The following COL6A1 variants were observed in gnomAD, a reference collection of about 807,000 sequenced individuals.
COL6A1 encodes the protein collagen alpha-1(VI) chain.
COL6A1 carries 80 observed loss-of-function variants against 145.6 expected under a neutral mutation model. The ratio of observed to expected loss-of-function variants is 0.55; its 90% CI spans 0.46 to 0.66. The LOEUF (loss-of-function observed/expected upper bound fraction) is 0.66. COL6A1 is among the 30% of genes least tolerant of loss of function. COL6A1 has a pLI of 0.00. For missense variants in COL6A1, 1,364 were observed against 1,473.8 expected, an observed-to-expected ratio of 0.93 and a Z score of 1.22; for synonymous variants, 638 against 622.8, an observed-to-expected ratio of 1.02 and a Z score of -0.36.
At chr21:45,998,308 C>G in intron 23 of COL6A1, 90 bp from the exon 24 acceptor site, 1 of 1,593,586 alleles carries the variant, frequency 6.3e-7, no homozygotes, top group Non-Finnish European at 8.6e-7. Flanking sequence ...GGCCGGGATT[C>G]TGTCAGCTCA....
At chr21:45,999,574 C>A in intron 26 of COL6A1, 83 bp from the exon 27 acceptor site, 1 of 1,472,408 alleles carries the variant, frequency 6.8e-7, no homozygotes, top group Non-Finnish European at 9.4e-7. Context: ...AGGGGCAGGG[C>A]CCTGGGGGTG....
chr21:45,983,542 C>T (rs937171569), intron 2 of COL6A1, among the ~76,000 whole-genome samples: 1 of 152,138 alleles, frequency 6.6e-6, no homozygotes, highest in Non-Finnish European at 1.5e-5. Context: ...GGGGCACAGT[C>T]AGAGGCTGCC....
At position 45,994,338 on chromosome 21, in the gene COL6A1, CTG is replaced by C; in HGVS notation, c.1398+113_1398+114del. On this transcript the variant is annotated intron_variant, in intron 20 of 34. Transcript: ENST00000361866. This position sits in a 1 kb window ranked among gnomAD's most constrained non-coding sequence, Gnocchi z 6.8. ...TCTGTTCATTTCCGTTTGAGGGCCT[CTG>C]TGTTTCCGTAGATCTCGGGGGTGTC... The C allele has an allele frequency of 9.0e-7, 1 of 1,115,000 alleles. No individual in the cohort carries two copies. The highest frequency in any genetic ancestry group is 1.3e-5 in the South Asian group (1 of 74,966). 69.1% of individuals were successfully genotyped at this position (1,115,000 alleles called of 1,614,324 possible). A position where few individuals can be genotyped will look rare whatever the true frequency, so the allele number is the denominator to read the frequency against.
At chr21:45,987,315 GC>G in intron 6 of COL6A1, 140 bp downstream of exon 6, 3 of 1,503,718 alleles carry the variant, frequency 2.0e-6, no homozygotes, top group Non-Finnish European at 2.7e-6. Flanking sequence ...CTGCCCGTGT[GC>G]CCGGGATGTG....
At chr21:45,998,808 T>C (rs1429305281) in intron 24 of COL6A1, 89 bp from the exon 25 acceptor site, 2 of 1,298,240 alleles carry the variant, frequency 1.5e-6, no homozygotes, top group Non-Finnish European at 2.1e-6. Flanking sequence ...AGAGTGCCTC[T>C]CTTATCTTTA....
chr21:45,990,446 A>C, intron 13 of COL6A1, 24 bp downstream of exon 13: 17 of 873,700 alleles, frequency 1.9e-5, no homozygotes, highest in Admixed American at 5.9e-5. Flanking sequence ...GATAGGATGG[A>C]CGGGGAGGGA....
In COL6A1 at chr21:46,004,438, C is replaced by T. The variant is rs2077869736; in HGVS notation, c.*425C>T. 1 of 330,890 alleles carries T rather than the reference C, an allele frequency of 3.0e-6. No individual in the cohort carries two copies. The allele number at this position is 330,890 out of a possible 1,614,324, so 20.5% of individuals were successfully genotyped here. On this transcript the variant is annotated 3_prime_UTR_variant, in exon 35 of 35. Transcript: ENST00000361866. ...CTAGGCACCTCTGTGCTGCATCCCA[C>T]CAGCCTGAGCAAGACGCCCTCTCGG... is the stretch of plus-strand genomic sequence containing the variant.
Position 45,987,051 on chromosome 21 carries a change from C to A in COL6A1, c.696C>A (p.Ile232=). Residue 232 remains isoleucine, a synonymous_variant, in exon 5 of 35, where the codon ATC becomes ATA. Coordinates refer to ENST00000361866, the MANE Select transcript of COL6A1 (RefSeq NM_001848.3). ...RDAEEAISQT[I]DTIVDMIKNN... ...CAGAGGAGGCCATCAGCCAGACCAT[C>A]GACACCATCGTGGACATGATCGTGA... 6.4e-7 allele frequency: 1 copy of A among 1,554,004 alleles called. No homozygotes were observed. Among genetic ancestry groups the A allele is most frequent in the Non-Finnish European group, 8.7e-7 (1 of 1,149,116 alleles).
chr21:45,993,910 TGCACGCAGGGAC>T (rs1231422598), intron 19 of COL6A1, among the ~76,000 whole-genome samples: 1 of 152,162 alleles, frequency 6.6e-6, no homozygotes, highest in East Asian at 1.9e-4. Context: ...GAAGCAGGGA[TGCACGCAGGGAC>T]GCCTCTGGGG....
chr21:45,995,399 C>G (rs563047477), intron 20 of COL6A1, among the ~76,000 whole-genome samples: 1 of 152,306 alleles, frequency 6.6e-6, no homozygotes, highest in African/African-American at 2.4e-5. Context: ...TGGAAGAGGC[C>G]ATGCAGCCAG....
intron 8 of COL6A1, 33 bp from the exon 9 acceptor site, chr21:45,989,051 G>T (rs139575256): frequency 8.1e-6 from 13 of 1,607,318 alleles, no homozygotes; most frequent in Non-Finnish European, 1.1e-5. Context: ...AAGAAACGGG[G>T]CTGCCCCAAC....
At chr21:45,997,925 G>T (rs549628834) in intron 22 of COL6A1, among the ~76,000 whole-genome samples, 163 bp downstream of exon 22, 257 of 152,282 alleles carry the variant, frequency 1.7e-3, no homozygotes, top group African/African-American at 5.8e-3. Flanking sequence ...GCCAGAGGCC[G>T]CCTCGGCAGG....
At position 46,003,992 on chromosome 21, in the gene COL6A1, C is replaced by G; in HGVS notation, c.3066C>G (p.Ser1022=). 1 of 1,613,170 alleles carries G rather than the reference C, an allele frequency of 6.2e-7. No individual in the cohort carries two copies. Among genetic ancestry groups the G allele is most frequent in the Non-Finnish European group, 8.5e-7 (1 of 1,180,020 alleles). ...LLRGVFHQTV[S]RKVALG is the part of the protein sequence containing the mutation. ...GCGGTGTCTTCCACCAGACAGTCTCCAGGAAGGTGGCGCTGGGCTAGCCCA... is the reference window on the plus strand; with the variant it reads ...GCGGTGTCTTCCACCAGACAGTCTCGAGGAAGGTGGCGCTGGGCTAGCCCA... Residue 1022 remains serine (S), a synonymous_variant, in exon 35 of 35, where the codon TCC becomes TCG. Coordinates refer to ENST00000361866, the MANE Select transcript of COL6A1 (RefSeq NM_001848.3).
intron 9 of COL6A1, 131 bp from the exon 10 acceptor site, chr21:45,989,477 G>T: frequency 1.0e-6 from 1 of 960,638 alleles, no homozygotes; most frequent in African/African-American, 1.6e-5. Flanking sequence ...CGGCACCATG[G>T]GCCCCGTGCA....
In COL6A1 at chr21:46,002,619, G is replaced by A. The variant is rs755487987; in HGVS notation, c.2343G>A (p.Gln781=). ...CTTGCCAAGGCCTGGCACCATCCCA[G>A]GGCCGGCCCGGCCTCTCGCTGGTCA... ...VISCQGLAPS[Q]GRPGLSLVKE... is the part of the protein sequence containing the mutation. Residue 781 remains glutamine, a synonymous_variant, in exon 33 of 35, where the codon CAG becomes CAA. Transcript: ENST00000361866. The A allele has an allele frequency of 5.8e-5, 94 of 1,613,960 alleles. No individual in the cohort carries two copies. Among genetic ancestry groups the A allele is most frequent in the Non-Finnish European group, 7.3e-5 (86 of 1,180,020 alleles).
chr21:46,000,209 C>A (rs892171065), intron 27 of COL6A1, 122 bp from the exon 28 acceptor site: 3 of 1,105,276 alleles, frequency 2.7e-6, no homozygotes, highest in South Asian at 1.2e-5. Context: ...CTGCAAAGAA[C>A]CTCCTGCCCA....
rs768325160 is a variant in COL6A1 at position 45,990,733 on chromosome 21, A to C, written c.1003-40A>C. The stretch of plus-strand genomic sequence containing the variant: ...ACAGTTGATTGGCCTCAGTTTACCC[A>C]CTTGGCCGTCAGATTTTCTAGTTTT... On this transcript the variant is annotated intron_variant, in intron 13 of 34. Coordinates refer to ENST00000361866, the MANE Select transcript of COL6A1 (RefSeq NM_001848.3). The C allele has an allele frequency of 1.9e-6, 3 of 1,591,368 alleles. No individual in the cohort carries two copies. In the Admixed American group the frequency reaches 5.0e-5, roughly 27 times the overall value.
rs372199631 is a variant in COL6A1 at position 45,986,978 on chromosome 21, C to A, written c.623C>A (p.Thr208Lys). ...PRLSIIATDH[T>K]YRRNFTAADW... ...CTGAGCATCATCGCCACGGACCACA[C>A]GTACCGGCGCAACTTCACGGCGGCT... Residue 208 changes from threonine to lysine, a missense_variant, in exon 5 of 35, where the codon ACG becomes AAG. Around this residue, in one of 3 missense-constraint regions of COL6A1, gnomAD observed 414 missense variants for 437.6 expected, o/e 0.95. Transcript: ENST00000361866. The A allele has an allele frequency of 3.9e-6, 6 of 1,552,160 alleles. No individual in the cohort carries two copies. The highest frequency in any genetic ancestry group is 5.2e-6 in the Non-Finnish European group (6 of 1,149,476).
intron 3 of COL6A1, 48 bp downstream of exon 3, chr21:45,984,517 C>A (rs1433244542): frequency 6.3e-7 from 1 of 1,579,030 alleles, no homozygotes; most frequent in Non-Finnish European, 8.6e-7. Flanking sequence ...ACGCGTGGTA[C>A]CCAGCCTGGG....
Sources: allele counts gnomAD v4.1 joint callset (sites outside exome capture counted in the v4.1 genomes callset), GRCh38; gene constraint gnomAD v4.1.1; regional missense constraint gnomAD v4.1.1; non-coding constraint Gnocchi (gnomAD v3.1); transcripts MANE v1.5; gene names NCBI Gene and HGNC (gene_info 2026-07-23, HGNC 2026-07-21).